Variants in HS6ST3 observed in about 807,000 individuals in gnomAD.
HS6ST3 encodes heparan sulfate 6-O-sulfotransferase 3, also known as heparan-sulfate 6-O-sulfotransferase 3.
HS6ST3 carries 12 observed loss-of-function variants against 36.7 expected under a neutral mutation model. The ratio of observed to expected loss-of-function variants is 0.33; its 90% CI spans 0.21 to 0.53. The LOEUF (loss-of-function observed/expected upper bound fraction) is 0.53, where lower values mean the gene tolerates loss of function less well. HS6ST3 is among the 20% of genes least tolerant of loss of function. The pLI, the probability that HS6ST3 is intolerant of heterozygous loss-of-function variation, is 0.95. For synonymous variants in HS6ST3, 240 were observed against 257.5 expected (o/e 0.93, Z 0.65); for missense variants, 584 against 640.9 (o/e 0.91, Z 0.96).
At chr13:96,579,768 T>C (rs1467682550) in intron 1 of HS6ST3, among the ~76,000 whole-genome samples, 1 of 152,168 alleles carries the variant, frequency 6.6e-6, no homozygotes. Context: ...TTAGGTGACC[T>C]TGAGTGAGTC....
chr13:96,414,107 T>C (rs2055521413), intron 1 of HS6ST3, among the ~76,000 whole-genome samples: 3 of 152,196 alleles, frequency 2.0e-5, no homozygotes, highest in African/African-American at 7.2e-5. Context: ...TTTGTTACAG[T>C]TCTTAAGTTC....
In HS6ST3 at chr13:96,839,557, G is replaced by C. The variant is rs1475473016; in HGVS notation, c.*6359G>C. 6.6e-6 allele frequency: 1 copy of C among 152,164 alleles called. No homozygotes were observed. Among genetic ancestry groups the C allele is most frequent in the Non-Finnish European group, 1.5e-5 (1 of 68,024 alleles). The allele number at this position is 152,164 out of a possible 1,614,324, so 9.4% of individuals were successfully genotyped here. On this transcript the variant is annotated 3_prime_UTR_variant, in exon 2 of 2. Coordinates refer to ENST00000376705, the MANE Select transcript of HS6ST3 (RefSeq NM_153456.4). ...AAATATTAAACTGTTGTGATGTCAA[G>C]AGCAATTGTCTTCCCCTGTGTTTTT...
chr13:96,220,702 A>C (rs1049409747), intron 1 of HS6ST3, among the ~76,000 whole-genome samples: 1 of 152,232 alleles, frequency 6.6e-6, no homozygotes, highest in Admixed American at 6.5e-5. Flanking sequence ...ATAAATTCAC[A>C]TATTAGATGG....
chr13:96,832,636 A>C lies in HS6ST3; in HGVS notation c.854A>C (p.Tyr285Ser). 1 of 1,614,148 alleles carries C rather than the reference A, an allele frequency of 6.2e-7. No individual in the cohort carries two copies. The highest frequency in any genetic ancestry group is 8.5e-7 in the Non-Finnish European group (1 of 1,180,016). ...SPTPDELPTC[Y>S]PGDDWSGVSL... ...ACCCCAGATGAGCTGCCTACCTGCT[A>C]CCCTGGGGATGACTGGTCTGGGGTC... The change falls in exon 2 of 2, where the codon TAC becomes TCC. Residue 285 changes from tyrosine (Y) to serine (S), a missense_variant. Physicochemically the swap from Tyr to Ser is moderately radical, Grantham distance 144. Around this residue, in one of 3 missense-constraint regions of HS6ST3, gnomAD observed 360 missense variants for 411.3 expected, o/e 0.88. Transcript: ENST00000376705.
intron 1 of HS6ST3, among the ~76,000 whole-genome samples, chr13:96,320,842 G>A (rs751894443): frequency 1.6e-4 from 25 of 152,186 alleles, no homozygotes; most frequent in Non-Finnish European, 7.3e-5. Context: ...TCCTTGGGGA[G>A]CCCCACTTCC....
chr13:96,180,194 G>GCACACA (rs139357974), intron 1 of HS6ST3, among the ~76,000 whole-genome samples: 51 of 150,808 alleles, frequency 3.4e-4, no homozygotes, highest in Non-Finnish European at 6.5e-4. Context: ...ACATACACAC[G>GCACACA]CACACACACA....
At chr13:96,771,853 A>G (rs1594856495) in intron 1 of HS6ST3, among the ~76,000 whole-genome samples, 1 of 152,342 alleles carries the variant, frequency 6.6e-6, no homozygotes, top group Middle Eastern at 3.4e-3. Flanking sequence ...GTAAAAGATA[A>G]GATATGTTTT....
chr13:96,443,961 A>G (rs2055686191), intron 1 of HS6ST3, among the ~76,000 whole-genome samples: 1 of 152,208 alleles, frequency 6.6e-6, no homozygotes, highest in Admixed American at 6.5e-5. Flanking sequence ...ATGAACCACA[A>G]TCCTGATACT....
chr13:96,668,184 A>G (rs1465827046), intron 1 of HS6ST3, among the ~76,000 whole-genome samples: 5 of 151,964 alleles, frequency 3.3e-5, no homozygotes, highest in Admixed American at 6.6e-5. Flanking sequence ...ACACACACAC[A>G]CACACGCACA....
intron 1 of HS6ST3, among the ~76,000 whole-genome samples, chr13:96,625,516 C>G (rs1341731112): frequency 6.6e-6 from 1 of 152,092 alleles, no homozygotes. Context: ...CATACTGTTT[C>G]CAACACTCAA....
chr13:96,325,984 C>G (rs1271324085), intron 1 of HS6ST3, among the ~76,000 whole-genome samples: 1 of 151,898 alleles, frequency 6.6e-6, no homozygotes, highest in Non-Finnish European at 1.5e-5. Context: ...AAGAAAAGAT[C>G]TAAGAAGAGA....
At chr13:96,525,906 A>T (rs1178077393) in intron 1 of HS6ST3, among the ~76,000 whole-genome samples, 1 of 152,208 alleles carries the variant, frequency 6.6e-6, no homozygotes, top group Non-Finnish European at 1.5e-5. Context: ...TCAGCAAGAT[A>T]TGCAAGTAAA....
chr13:96,409,870 G>A (rs935195863), intron 1 of HS6ST3, among the ~76,000 whole-genome samples: 10 of 152,080 alleles, frequency 6.6e-5, no homozygotes, highest in Admixed American at 4.6e-4. Flanking sequence ...CTTATGAAGC[G>A]TGGTCTTAAA....
intron 1 of HS6ST3, among the ~76,000 whole-genome samples, chr13:96,790,857 TC>T (rs1284805084): frequency 1.3e-5 from 2 of 152,018 alleles, no homozygotes; most frequent in Non-Finnish European, 2.9e-5. Context: ...ATGAATTAAT[TC>T]CCTCACAAAA....
chr13:96,223,523 G>A (rs1189961643), intron 1 of HS6ST3, among the ~76,000 whole-genome samples: 1 of 152,132 alleles, frequency 6.6e-6, no homozygotes, highest in African/African-American at 2.4e-5. Flanking sequence ...CCCCAGCCTG[G>A]GCCTGAACCC....
chr13:96,294,233 C>T (rs2054843764), intron 1 of HS6ST3, among the ~76,000 whole-genome samples: 2 of 152,050 alleles, frequency 1.3e-5, no homozygotes, highest in Non-Finnish European at 2.9e-5. Context: ...ATTATGGTCA[C>T]TATTTGTTAC....
At chr13:96,425,550 A>G (rs959141273) in intron 1 of HS6ST3, among the ~76,000 whole-genome samples, 16 of 152,162 alleles carry the variant, frequency 1.1e-4, no homozygotes, top group African/African-American at 3.9e-4. Context: ...TTTGTAAAAA[A>G]ATGAAAAATC....
chr13:96,783,732 C>A (rs1332673580), intron 1 of HS6ST3, among the ~76,000 whole-genome samples: 3 of 151,984 alleles, frequency 2.0e-5, no homozygotes, highest in Non-Finnish European at 2.9e-5. Context: ...ATGCAATTTT[C>A]AGCCATGAGG....
chr13:96,511,198 T>C (rs1439283589), intron 1 of HS6ST3, among the ~76,000 whole-genome samples: 1 of 152,202 alleles, frequency 6.6e-6, no homozygotes, highest in African/African-American at 2.4e-5. Context: ...CACTCTGCCA[T>C]CACTGACCAT....
Sources: gnomAD v4.1 joint callset for allele counts (sites outside exome capture counted in the v4.1 genomes callset) on GRCh38, gnomAD v4.1.1 for gene constraint, gnomAD v4.1.1 regional missense constraint, MANE v1.5 for transcripts, NCBI Gene and HGNC (gene_info 2026-07-23, HGNC 2026-07-21) for gene names.